Variants in BCAS3 observed in about 807,000 individuals in gnomAD.
BCAS3 encodes the protein BCAS3 microtubule associated cell migration factor, also known as BCAS4/BCAS3 fusion.
A neutral mutation model predicts 116.1 loss-of-function variants in BCAS3; 53 were observed. The observed-to-expected ratio is 0.46, with a 90% CI of 0.37 to 0.57. The LOEUF is 0.57. BCAS3 is among the 20% of genes least tolerant of loss of function. The probability of loss-of-function intolerance (pLI) is 0.00; values close to 1 mark genes in which losing one functional copy is unlikely to be tolerated. For missense variants in BCAS3, 917 were observed against 1,165.4 expected (o/e 0.79, Z 3.10); for synonymous variants, 391 against 408.2 (o/e 0.96, Z 0.51).
chr17:61,078,301 C>T, intron 20 of BCAS3, 32 bp from the exon 21 acceptor site: 1 of 1,558,016 alleles, frequency 6.4e-7, no homozygotes, highest in South Asian at 1.2e-5. Flanking sequence ...GGATCACAAA[C>T]CATTTAAATC....
At chr17:60,986,462 T>A (rs1232281574) in intron 14 of BCAS3, among the ~76,000 whole-genome samples, 1 of 152,186 alleles carries the variant, frequency 6.6e-6, no homozygotes, top group Non-Finnish European at 1.5e-5. Context: ...CCACCAATAG[T>A]GTATGAGGGT....
chr17:60,941,419 C>T (rs2060216731), intron 13 of BCAS3, among the ~76,000 whole-genome samples: 1 of 151,882 alleles, frequency 6.6e-6, no homozygotes. Context: ...AACTTGTTTT[C>T]TAGAAGAAAA....
At chr17:60,736,014 A>G (rs751151240) in intron 5 of BCAS3, among the ~76,000 whole-genome samples, 1 of 143,586 alleles carries the variant, frequency 7.0e-6, no homozygotes, top group African/African-American at 3.0e-5. Flanking sequence ...CCAGCTTTGC[A>G]TACCTGGTGT....
chr17:61,137,053 C>G (rs962921399), intron 22 of BCAS3, among the ~76,000 whole-genome samples: 1 of 152,124 alleles, frequency 6.6e-6, no homozygotes, highest in African/African-American at 2.4e-5. Context: ...TTATTAGTGG[C>G]ATTATTATGA....
Position 61,362,901 on chromosome 17 carries a change from C to T in BCAS3, c.2426-5426C>T, listed in dbSNP as rs2058526521. On this transcript the variant is annotated intron_variant, in intron 22 of 23. Coordinates refer to ENST00000407086, the MANE Select transcript of BCAS3 (RefSeq NM_017679.5). The surrounding 1 kb of genome is among the most constrained non-coding windows in gnomAD (Gnocchi z 4.4). ...CCTTCCTCTCTTTTAATTTTAACTC[C>T]ACTTTCTGCCTACTCTGACCCTAGA... is the stretch of plus-strand genomic sequence containing the variant. 6.6e-6 allele frequency: 1 copy of T among 152,174 alleles called. No homozygotes were observed. Among genetic ancestry groups the T allele is most frequent in the South Asian group, 2.1e-4 (1 of 4,830 alleles). The allele number at this position is 152,174 out of a possible 1,614,324, so 9.4% of individuals were successfully genotyped here.
intron 22 of BCAS3, among the ~76,000 whole-genome samples, chr17:61,275,589 G>T (rs116330474): frequency 6.6e-6 from 1 of 152,182 alleles, no homozygotes; most frequent in Non-Finnish European, 1.5e-5. Context: ...GTGGCTCACT[G>T]CAGCCTTGTC....
At position 60,694,322 on chromosome 17, in the gene BCAS3, G is replaced by T. The variant is rs987187158; in HGVS notation, c.214+4561G>T. Reference sequence around the variant, plus strand: ...TCAGGATCATCCTGACCAACATGGTGAAACCCCATCTTTACTAAAAAAACA... The same window carrying T: ...TCAGGATCATCCTGACCAACATGGTTAAACCCCATCTTTACTAAAAAAACA... On this transcript the variant is annotated intron_variant, in intron 4 of 23. Coordinates refer to ENST00000407086, the MANE Select transcript of BCAS3 (RefSeq NM_017679.5). Among the ~76,000 whole-genome samples the T allele has an allele frequency of 1.3e-3, 202 of 151,744 alleles. 1 individual carries two copies. Among genetic ancestry groups the T allele is most frequent in the African/African-American group, 4.6e-3 (191 of 41,418 alleles).
rs562933302 is a variant in BCAS3, at chr17:60,966,602, A to T, written c.1221+19250A>T. ...TCTTAGATCACAAATAGAAGAGTAG[A>T]AACAAAGGCAGGCATAAAGAACATG... On this transcript the variant is annotated intron_variant, in intron 14 of 23. Transcript: ENST00000407086. Among the ~76,000 whole-genome samples the T allele has an allele frequency of 1.8e-3, 270 of 152,278 alleles. 1 individual carries two copies. Among genetic ancestry groups the T allele is most frequent in the African/African-American group, 6.1e-3 (253 of 41,568 alleles).
Position 61,126,185 on chromosome 17 carries a change from T to C in BCAS3, c.2425+41621T>C, listed in dbSNP as rs2076037338. Reference sequence around the variant, plus strand: ...AGAAGATCCAAAATACTTCCAAGGGTGAGAATTTTTCCTTGCCCGTTGTGA... The same window carrying C: ...AGAAGATCCAAAATACTTCCAAGGGCGAGAATTTTTCCTTGCCCGTTGTGA... On this transcript the variant is annotated intron_variant, in intron 22 of 23. Transcript: ENST00000407086. The surrounding 1 kb of genome is among the most constrained non-coding windows in gnomAD (Gnocchi z 4.6). Among the ~76,000 whole-genome samples the C allele has an allele frequency of 6.6e-6, 1 of 152,142 alleles. No homozygotes were observed. Among genetic ancestry groups the C allele is most frequent in the South Asian group, 2.1e-4 (1 of 4,826 alleles).
chr17:60,829,164 A>C (rs556626879), intron 7 of BCAS3, among the ~76,000 whole-genome samples: 139 of 152,274 alleles, frequency 9.1e-4, no homozygotes, highest in African/African-American at 3.2e-3. Context: ...ACAGTAAAAA[A>C]ATAAGTAAAA....
rs913828818 is a variant in BCAS3 at position 60,852,484 on chromosome 17, A to C, written c.477-16092A>C. Among the ~76,000 whole-genome samples, 11 of 152,334 alleles carry C rather than the reference A, an allele frequency of 7.2e-5. 1 individual carries two copies. Among genetic ancestry groups the C allele is most frequent in the Admixed American group, 6.5e-4 (10 of 15,308 alleles). On this transcript the variant is annotated intron_variant, in intron 7 of 23. Transcript: ENST00000407086. ...CTGGTACTTGATGTCCTCTTAAGGA[A>C]AATTTGCTTCCAAATTTAAGCTGGA...
chr17:60,876,035 T>G (rs187366698), intron 9 of BCAS3, among the ~76,000 whole-genome samples: 220 of 152,142 alleles, frequency 1.4e-3, no homozygotes, highest in Admixed American at 2.7e-3. Context: ...TTTGAAAAAT[T>G]ACCAAGTGAT....
At chr17:61,269,550 C>A (rs2050055127) in intron 22 of BCAS3, among the ~76,000 whole-genome samples, 1 of 152,164 alleles carries the variant, frequency 6.6e-6, no homozygotes, top group Non-Finnish European at 1.5e-5. Flanking sequence ...TTCCCACCAA[C>A]AATGCACAAG....
intron 6 of BCAS3, among the ~76,000 whole-genome samples, chr17:60,752,589 A>G (rs1240851593): frequency 6.6e-6 from 1 of 151,798 alleles, no homozygotes; most frequent in African/African-American, 2.4e-5. Context: ...ATGCCTGGCT[A>G]ATTTTTTGTA....
chr17:61,211,155 G>A lies in BCAS3; in HGVS notation c.2425+126591G>A, dbSNP rs190203594. On this transcript the variant is annotated intron_variant, in intron 22 of 23. Transcript: ENST00000407086. The surrounding 1 kb of genome is among the most constrained non-coding windows in gnomAD (Gnocchi z 4.4). ...GCATGCTCAGTTATTCAGAAGAAAT[G>A]GAATGACGTTAAAATTCTCCCAAAA... is the stretch of plus-strand genomic sequence containing the variant. Among the ~76,000 whole-genome samples, 4 of 152,244 alleles carry A rather than the reference G, an allele frequency of 2.6e-5. No homozygotes were observed. The highest frequency in any genetic ancestry group is 6.5e-5 in the Admixed American group (1 of 15,290).
At chr17:60,723,711 CTTTTTTTTTT>C (rs549083159) in intron 5 of BCAS3, among the ~76,000 whole-genome samples, 5 of 88,896 alleles carry the variant, frequency 5.6e-5, no homozygotes, top group Admixed American at 1.6e-4. Context: ...CACTTTCTTT[CTTTTTTTTTT>C]TTTTTTTTTT....
intron 15 of BCAS3, among the ~76,000 whole-genome samples, chr17:61,001,478 T>C (rs970894581): frequency 3.9e-5 from 6 of 152,196 alleles, no homozygotes; most frequent in Non-Finnish European, 8.8e-5. Context: ...GAATCAATGA[T>C]AATGTGATGT....
At position 61,008,331 on chromosome 17, in the gene BCAS3, C is replaced by G. The variant is rs1042449450; in HGVS notation, c.1487-7420C>G. The stretch of plus-strand genomic sequence containing the variant: ...GAGAAGAGAGAGATGGAGAGAGAGA[C>G]ACACACTCCCATCCCAACCAAAAAT... On this transcript the variant is annotated intron_variant, in intron 15 of 23. Transcript: ENST00000407086. This position sits in a 1 kb window ranked among gnomAD's most constrained non-coding sequence, Gnocchi z 4.6. Among the ~76,000 whole-genome samples the G allele has an allele frequency of 6.6e-6, 1 of 152,148 alleles. No homozygotes were observed. Among genetic ancestry groups the G allele is most frequent in the African/African-American group, 2.4e-5 (1 of 41,540 alleles).
At chr17:61,335,319 C>T (rs1003779797) in intron 22 of BCAS3, among the ~76,000 whole-genome samples, 1 of 152,188 alleles carries the variant, frequency 6.6e-6, no homozygotes, top group African/African-American at 2.4e-5. Flanking sequence ...CGCAATGTGT[C>T]TATAGTCAAG....
Sources: gnomAD v4.1 joint callset for allele counts (sites outside exome capture counted in the v4.1 genomes callset) on GRCh38, gnomAD v4.1.1 for gene constraint, Gnocchi (gnomAD v3.1) non-coding constraint, MANE v1.5 for transcripts, NCBI Gene and HGNC (gene_info 2026-07-23, HGNC 2026-07-21) for gene names.